GALNT18: variants seen among roughly 807,000 people sequenced by gnomAD.
GALNT18 encodes polypeptide N-acetylgalactosaminyltransferase 18, also known as GalNAc-transferase 18.
A neutral mutation model predicts 69.5 loss-of-function variants in GALNT18; 44 were observed. The observed-to-expected ratio is 0.63, with a 90% confidence interval of 0.50 to 0.81. The LOEUF (loss-of-function observed/expected upper bound fraction) is 0.81. Among genes scored for constraint, GALNT18 ranks in the 40% least tolerant of loss-of-function variants. GALNT18 has a pLI of 0.00. For synonymous variants in GALNT18, 364 were observed against 318.2 expected (o/e 1.14, Z -1.53); for missense variants, 715 against 810.0 (o/e 0.88, Z 1.42).
At chr11:11,572,929 G>C (rs1453725020) in intron 1 of GALNT18, among the ~76,000 whole-genome samples, 2 of 152,220 alleles carry the variant, frequency 1.3e-5, no homozygotes, top group Admixed American at 6.5e-5. Flanking sequence ...TGACAAAGAG[G>C]AGAGGGTGCT....
In GALNT18 at chr11:11,318,683, G is replaced by C. The variant is rs1197394772; in HGVS notation, c.1512+8403C>G. On this transcript the variant is annotated intron_variant, in intron 9 of 10. Coordinates refer to ENST00000227756, the MANE Select transcript of GALNT18 (RefSeq NM_198516.3). This position sits in a 1 kb window ranked among gnomAD's most constrained non-coding sequence, Gnocchi z 5.1. ...CAGGCTGTGACCCATAAGAGTCACTGAGTCACTAGTGGCCTGGAGTGTCCC... is the reference window on the plus strand; with the variant it reads ...CAGGCTGTGACCCATAAGAGTCACTCAGTCACTAGTGGCCTGGAGTGTCCC... 6.6e-6 allele frequency among the ~76,000 whole-genome samples: 1 copy of C among 152,222 alleles called. No individual in the cohort carries two copies. Among genetic ancestry groups the C allele is most frequent in the Non-Finnish European group, 1.5e-5 (1 of 68,046 alleles).
At position 11,383,506 on chromosome 11, in the gene GALNT18, T is replaced by C. The variant is rs945923317; in HGVS notation, c.596-4242A>G. The stretch of plus-strand genomic sequence containing the variant: ...GGCATTTTGTAAAACTGCCTTCCTA[T>C]AGGCTTGCTGTGGAGAACCGGGCAG... On this transcript the variant is annotated intron_variant, in intron 3 of 10. Coordinates refer to ENST00000227756, the MANE Select transcript of GALNT18 (RefSeq NM_198516.3). This position sits in a 1 kb window ranked among gnomAD's most constrained non-coding sequence, Gnocchi z 5.2. Among the ~76,000 whole-genome samples the C allele has an allele frequency of 2.0e-5, 3 of 152,230 alleles. No individual in the cohort carries two copies. Among genetic ancestry groups the C allele is most frequent in the African/African-American group, 4.8e-5 (2 of 41,468 alleles).
rs1478583744 is a variant in GALNT18 at position 11,372,048 on chromosome 11, A to G, written c.1092+467T>C. ...CCTGGCTGCATCTTGCTGTTTATAC[A>G]CCCTGAGTTTATTTCTCTGGGCTAT... is the stretch of plus-strand genomic sequence containing the variant. On this transcript the variant is annotated intron_variant, in intron 6 of 10. Coordinates refer to ENST00000227756, the MANE Select transcript of GALNT18 (RefSeq NM_198516.3). This position sits in a 1 kb window ranked among gnomAD's most constrained non-coding sequence, Gnocchi z 4.9. Among the ~76,000 whole-genome samples, 6 of 152,066 alleles carry G rather than the reference A, an allele frequency of 3.9e-5. No individual in the cohort carries two copies. Among genetic ancestry groups the G allele is most frequent in the Admixed American group, 6.6e-5 (1 of 15,262 alleles).
chr11:11,345,212 C>T (rs1850281493), intron 6 of GALNT18, among the ~76,000 whole-genome samples: 1 of 152,224 alleles, frequency 6.6e-6, no homozygotes, highest in Non-Finnish European at 1.5e-5. Context: ...CAGCTTCTGC[C>T]TTGGCCATGG....
chr11:11,532,246 A>T (rs981597173), intron 1 of GALNT18, among the ~76,000 whole-genome samples: 4 of 152,198 alleles, frequency 2.6e-5, no homozygotes, highest in Non-Finnish European at 4.4e-5. Flanking sequence ...ACAGGAAAAG[A>T]TGACTATCAT....
rs11021849 is a variant in GALNT18 at position 11,429,929 on chromosome 11, C to T, written c.595+2692G>A. 6.2e-4 allele frequency among the ~76,000 whole-genome samples: 94 copies of T among 152,188 alleles called. 2 individuals are homozygous for T. The East Asian group carries it at 0.016, about 27-fold the overall frequency. On this transcript the variant is annotated intron_variant, in intron 3 of 10. Transcript: ENST00000227756. ...GCGAGGCAGGAGGATTGCTTGAGTC[C>T]AGGAGTTTGAGACCTGGCTACCCAA...
chr11:11,405,587 G>T (rs1428547799), intron 3 of GALNT18, among the ~76,000 whole-genome samples: 1 of 152,128 alleles, frequency 6.6e-6, no homozygotes, highest in Non-Finnish European at 1.5e-5. Context: ...TCTTTGTCAG[G>T]GGCAAGTCTC....
At chr11:11,446,130 T>C (rs1246728635) in intron 2 of GALNT18, among the ~76,000 whole-genome samples, 1 of 152,030 alleles carries the variant, frequency 6.6e-6, no homozygotes, top group Non-Finnish European at 1.5e-5. Context: ...CTTATCTGAC[T>C]GTGTGACCTC....
rs1440004784 is a variant in GALNT18 at position 11,511,887 on chromosome 11, C to G, written c.236-62951G>C. On this transcript the variant is annotated intron_variant, in intron 1 of 10. Coordinates refer to ENST00000227756, the MANE Select transcript of GALNT18 (RefSeq NM_198516.3). The surrounding 1 kb of genome is among the most constrained non-coding windows in gnomAD (Gnocchi z 4.9). ...TTCAGCCCCCAGAACTATGAAAAAT[C>G]AATTTCTGTTGTTTGTAAGCCATCC... Among the ~76,000 whole-genome samples the G allele has an allele frequency of 6.6e-6, 1 of 152,148 alleles. No homozygotes were observed. The highest frequency in any genetic ancestry group is 1.5e-5 in the Non-Finnish European group (1 of 68,028).
chr11:11,460,530 G>A (rs1024445730), intron 1 of GALNT18, among the ~76,000 whole-genome samples: 3 of 152,234 alleles, frequency 2.0e-5, no homozygotes, highest in African/African-American at 4.8e-5. Context: ...GCCATGAGCT[G>A]TGAAGGAGCC....
intron 1 of GALNT18, among the ~76,000 whole-genome samples, chr11:11,615,130 C>G (rs1036538224): frequency 1.3e-5 from 2 of 152,174 alleles, no homozygotes; most frequent in African/African-American, 4.8e-5. Context: ...ACTCTTTCCT[C>G]AAATAAACTC....
intron 1 of GALNT18, among the ~76,000 whole-genome samples, chr11:11,553,314 G>C (rs55983776): frequency 0.21 from 31,618 of 152,158 alleles, 3,847 homozygotes; most frequent in Non-Finnish European, 0.26. Flanking sequence ...CCTGCTGCAG[G>C]ATTTCAGAAG....
intron 1 of GALNT18, among the ~76,000 whole-genome samples, chr11:11,567,897 T>G (rs1438483724): frequency 6.6e-6 from 1 of 152,176 alleles, no homozygotes; most frequent in Non-Finnish European, 1.5e-5. Context: ...AAAACACCCA[T>G]TCTGGTACAA....
chr11:11,352,393 C>A (rs768261384), intron 6 of GALNT18: 2 of 1,614,120 alleles, frequency 1.2e-6, no homozygotes, highest in East Asian at 4.5e-5. Context: ...GCTATCCTCA[C>A]CAACTGATCA....
chr11:11,342,419 T>C (rs1174201231), intron 6 of GALNT18, among the ~76,000 whole-genome samples: 1 of 152,172 alleles, frequency 6.6e-6, no homozygotes, highest in Non-Finnish European at 1.5e-5. Context: ...AGTTCAGATA[T>C]ATAACATGTA....
chr11:11,515,508 C>G (rs1857254943), intron 1 of GALNT18, among the ~76,000 whole-genome samples: 1 of 152,186 alleles, frequency 6.6e-6, no homozygotes, highest in Admixed American at 6.5e-5. Flanking sequence ...AACTACATAC[C>G]CCCTGCCCTT....
At chr11:11,282,222 A>C (rs1482894421) in intron 10 of GALNT18, among the ~76,000 whole-genome samples, 1 of 152,154 alleles carries the variant, frequency 6.6e-6, no homozygotes, top group Non-Finnish European at 1.5e-5. Flanking sequence ...CATTGCAAAG[A>C]AGCCTTCCTT....
At chr11:11,397,782 A>T (rs1034561653) in intron 3 of GALNT18, among the ~76,000 whole-genome samples, 1 of 152,212 alleles carries the variant, frequency 6.6e-6, no homozygotes, top group Non-Finnish European at 1.5e-5. Flanking sequence ...ACAAGGGCTT[A>T]TATTTTTAAA....
chr11:11,283,139 C>T (rs1474397048), intron 10 of GALNT18, among the ~76,000 whole-genome samples: 4 of 152,020 alleles, frequency 2.6e-5, no homozygotes. Flanking sequence ...GCCTTGTGGC[C>T]ACTGAACAGA....
Sources: allele counts gnomAD v4.1 joint callset (sites outside exome capture counted in the v4.1 genomes callset), GRCh38; gene constraint gnomAD v4.1.1; non-coding constraint Gnocchi (gnomAD v3.1); transcripts MANE v1.5; gene names NCBI Gene and HGNC (gene_info 2026-07-23, HGNC 2026-07-21).